Variants in GPATCH2 observed in about 807,000 individuals in gnomAD.
GPATCH2 encodes the protein G patch domain-containing protein 2.
A neutral mutation model predicts 58.0 loss-of-function variants in GPATCH2; 51 were observed. The observed-to-expected ratio is 0.88, with a 90% CI of 0.70 to 1.11. The LOEUF (loss-of-function observed/expected upper bound fraction) is 1.11, where lower values mean the gene tolerates loss of function less well. Among genes scored for constraint, GPATCH2 ranks in the 50% most tolerant of loss-of-function variants. The probability of loss-of-function intolerance (pLI) is 0.00; values close to 1 mark genes in which losing one functional copy is unlikely to be tolerated. For missense variants in GPATCH2, 625 were observed against 652.2 expected (o/e 0.96, Z 0.45); for synonymous variants, 222 against 218.5 (o/e 1.02, Z -0.14).
intron 1 of GPATCH2, among the ~76,000 whole-genome samples, chr1:217,627,138 A>G (rs1669508627): frequency 6.6e-6 from 1 of 152,082 alleles, no homozygotes; most frequent in South Asian, 2.1e-4. Context: ...AAAAATCTGC[A>G]TAATTTCTAC....
intron 1 of GPATCH2, among the ~76,000 whole-genome samples, chr1:217,623,183 A>T (rs1265124957): frequency 6.6e-6 from 1 of 152,184 alleles, no homozygotes; most frequent in Non-Finnish European, 1.5e-5. Flanking sequence ...TTCTGGAGTA[A>T]CTTACTCTTG....
intron 5 of GPATCH2, among the ~76,000 whole-genome samples, chr1:217,577,065 A>T (rs1666841346): frequency 6.6e-6 from 1 of 152,200 alleles, no homozygotes; most frequent in Admixed American, 6.5e-5. Flanking sequence ...TAATGCACAA[A>T]TATTTTCACA....
rs776899831 is a variant in GPATCH2, at chr1:217,467,956, A to G, written c.1278-18619T>C. Among the ~76,000 whole-genome samples, 240 of 152,326 alleles carry G rather than the reference A, an allele frequency of 1.6e-3. 1 individual carries two copies. Among genetic ancestry groups the G allele is most frequent in the Non-Finnish European group, 2.9e-3 (194 of 68,018 alleles). On this transcript the variant is annotated intron_variant, in intron 8 of 9. Coordinates refer to ENST00000366935, the MANE Select transcript of GPATCH2 (RefSeq NM_018040.5). Reference sequence around the variant, plus strand: ...ATCTCCCATTGGCCACAGATGGGACAATTTTAGCATCAATTAGAATTATAA... The same window carrying G: ...ATCTCCCATTGGCCACAGATGGGACGATTTTAGCATCAATTAGAATTATAA...
intron 6 of GPATCH2, among the ~76,000 whole-genome samples, chr1:217,503,781 G>A (rs998043723): frequency 2.6e-5 from 4 of 152,030 alleles, no homozygotes; most frequent in African/African-American, 4.8e-5. Flanking sequence ...GATGAAGAAC[G>A]TTGAATTCCA....
chr1:217,523,020 C>G (rs1396064245), intron 5 of GPATCH2, among the ~76,000 whole-genome samples: 1 of 151,530 alleles, frequency 6.6e-6, no homozygotes, highest in Non-Finnish European at 1.5e-5. Flanking sequence ...TAATCCAAAG[C>G]AATTAAAAAA....
rs200676995 is a variant in GPATCH2, at chr1:217,431,167, G to C, written c.1565C>G (p.Pro522Arg). 3.9e-6 allele frequency: 6 copies of C among 1,549,896 alleles called. No homozygotes were observed. The highest frequency in any genetic ancestry group is 2.7e-5 in the African/African-American group (2 of 73,542). Residue 522 changes from proline to arginine, a missense_variant, in exon 10 of 10, where the codon CCC becomes CGC. Pro to Arg is a moderately radical substitution (Grantham distance 103). Transcript: ENST00000366935. Reference protein sequence around the residue: ...LPKSTSATTTPNAGKSA With the variant: ...LPKSTSATTTRNAGKSA ...TTCTTAGGCGGATTTTCCTGCATTGGGGGTAGTAGTTGCGGAAGTACTTTT... is the reference window on the plus strand; with the variant it reads ...TTCTTAGGCGGATTTTCCTGCATTGCGGGTAGTAGTTGCGGAAGTACTTTT...
rs566233985 is a variant in GPATCH2, at chr1:217,521,606, TC to T, written c.1099-6718del. On this transcript the variant is annotated intron_variant, in intron 5 of 9. Coordinates refer to ENST00000366935, the MANE Select transcript of GPATCH2 (RefSeq NM_018040.5). The stretch of plus-strand genomic sequence containing the variant: ...AGGACTAACAAGAATAACAAACGGC[TC>T]CCCTACTAATCATTACAGCAAAAGA... 1.0e-3 allele frequency among the ~76,000 whole-genome samples: 159 copies of T among 152,060 alleles called. 4 individuals are homozygous for T. In the South Asian group the frequency reaches 0.031, roughly 30 times the overall value.
At chr1:217,603,492 ACAT>A (rs1479148458) in intron 5 of GPATCH2, among the ~76,000 whole-genome samples, 7 of 152,250 alleles carry the variant, frequency 4.6e-5, no homozygotes, top group Non-Finnish European at 1.0e-4. Flanking sequence ...ATCAAGACAG[ACAT>A]CATTTAATAG....
chr1:217,433,629 C>T (rs1411247340), intron 9 of GPATCH2, among the ~76,000 whole-genome samples: 2 of 152,124 alleles, frequency 1.3e-5, no homozygotes, highest in Non-Finnish European at 2.9e-5. Flanking sequence ...CTCCTCACCT[C>T]AGGTGATCCA....
chr1:217,528,018 T>TA (rs572461090), intron 5 of GPATCH2, among the ~76,000 whole-genome samples: 78 of 152,258 alleles, frequency 5.1e-4, no homozygotes, highest in African/African-American at 1.8e-3. Flanking sequence ...AGATGAGACT[T>TA]ATGCTGAGTG....
Position 217,431,230 on chromosome 1 carries a change from T to G in GPATCH2, c.1502A>C (p.Gln501Pro). ...KGISEPIQAM[Q>P]RPKGLGLGFP... is the part of the protein sequence containing the mutation. ...TCCAAGTCCTAATCCCTTTGGCCTC[T>G]GCATGGCTTGAATTGGCTCAGAGAT... Residue 501 changes from glutamine (Q) to proline (P), a missense_variant, in exon 10 of 10, where the codon CAG (glutamine) becomes CCG (proline). By Grantham distance (76) the Gln-to-Pro change is moderately conservative. Transcript: ENST00000366935. 6.2e-7 allele frequency: 1 copy of G among 1,611,336 alleles called. No homozygotes were observed. Among genetic ancestry groups the G allele is most frequent in the Non-Finnish European group, 8.5e-7 (1 of 1,177,422 alleles).
Position 217,620,412 on chromosome 1 carries a change from A to C in GPATCH2, c.144T>G (p.Ala48=). 1 of 1,614,074 alleles carries C rather than the reference A, an allele frequency of 6.2e-7. No individual in the cohort carries two copies. Among genetic ancestry groups the C allele is most frequent in the Non-Finnish European group, 8.5e-7 (1 of 1,179,988 alleles). The change falls in exon 2 of 10, where the codon GCT becomes GCG. Residue 48 remains alanine, a synonymous_variant. Coordinates refer to ENST00000366935, the MANE Select transcript of GPATCH2 (RefSeq NM_018040.5). ...TACTTCGAGAATGGTCTCCTGTTTC[A>C]GCAAATCCACCTCGAGCTTGCTCTG... ...ESSEQARGGF[A]ETGDHSRSIS... is the part of the protein sequence containing the mutation.
At chr1:217,488,433 T>A (rs563118373) in intron 8 of GPATCH2, among the ~76,000 whole-genome samples, 8 of 152,278 alleles carry the variant, frequency 5.3e-5, no homozygotes, top group Admixed American at 5.2e-4. Context: ...ACACTGAATC[T>A]TTTATCCTAA....
At chr1:217,559,782 G>A (rs1026586807) in intron 5 of GPATCH2, among the ~76,000 whole-genome samples, 2 of 152,080 alleles carry the variant, frequency 1.3e-5, no homozygotes, top group African/African-American at 2.4e-5. Flanking sequence ...CAACAAGTGA[G>A]AGCCCAAAAA....
intron 5 of GPATCH2, among the ~76,000 whole-genome samples, chr1:217,575,365 T>G (rs1571947397): frequency 6.6e-6 from 1 of 152,274 alleles, no homozygotes; most frequent in East Asian, 1.9e-4. Context: ...ACTCAACCAT[T>G]ACCTTAAAAA....
intron 5 of GPATCH2, among the ~76,000 whole-genome samples, chr1:217,528,621 G>A (rs1243860110): frequency 6.6e-6 from 1 of 152,146 alleles, no homozygotes; most frequent in Non-Finnish European, 1.5e-5. Flanking sequence ...GGGGACTGAG[G>A]GATGTCTGTT....
chr1:217,499,061 C>A (rs1662160509), intron 6 of GPATCH2, among the ~76,000 whole-genome samples: 1 of 152,072 alleles, frequency 6.6e-6, no homozygotes, highest in African/African-American at 2.4e-5. Context: ...TCTGGCAATA[C>A]CTTTTCCACG....
chr1:217,461,959 T>A (rs561945545), intron 8 of GPATCH2, among the ~76,000 whole-genome samples: 3 of 152,170 alleles, frequency 2.0e-5, no homozygotes, highest in Non-Finnish European at 4.4e-5. Flanking sequence ...AGGTGAGGTA[T>A]CACGAGGCTT....
At chr1:217,583,089 T>C (rs1667152574) in intron 5 of GPATCH2, among the ~76,000 whole-genome samples, 1 of 152,140 alleles carries the variant, frequency 6.6e-6, no homozygotes, top group Non-Finnish European at 1.5e-5. Context: ...AGATTATTCC[T>C]ACTAACAGAA....
Sources: gnomAD v4.1 joint callset for allele counts (sites outside exome capture counted in the v4.1 genomes callset) on GRCh38, gnomAD v4.1.1 for gene constraint, MANE v1.5 for transcripts, NCBI Gene and HGNC (gene_info 2026-07-23, HGNC 2026-07-21) for gene names.